Variants in COL5A3 observed in about 807,000 individuals in gnomAD.
COL5A3 encodes collagen type V alpha 3 chain, also known as collagen alpha-3(V) chain.
Under a neutral mutation model 250.0 loss-of-function variants are expected in COL5A3, and 172 were observed. The ratio of observed to expected loss-of-function variants is 0.69; its 90% CI spans 0.61 to 0.78. The LOEUF (loss-of-function observed/expected upper bound fraction) is 0.78, where lower values mean the gene tolerates loss of function less well. COL5A3 is among the 30% of genes least tolerant of loss of function. COL5A3 has a pLI of 0.00. For missense variants in COL5A3, 2,340 were observed against 2,334.4 expected (o/e 1.00, Z -0.05); for synonymous variants, 937 against 900.4 (o/e 1.04, Z -0.73).
intron 1 of COL5A3, 137 bp downstream of exon 1, chr19:10,010,161 C>T (rs13346390): frequency 0.012 from 4,998 of 430,348 alleles, 244 homozygotes; most frequent in African/African-American, 0.1. Flanking sequence ...GATACTCATG[C>T]GCCCACATCA....
At chr19:9,974,547 G>A in intron 45 of COL5A3, 139 bp from the exon 46 acceptor site, 1 of 601,300 alleles carries the variant, frequency 1.7e-6, no homozygotes, top group Non-Finnish European at 2.8e-6. Context: ...TTGAGTTGGA[G>A]TTGGGGTCTA....
chr19:9,963,567 G>C (rs1429782039), intron 64 of COL5A3, among the ~76,000 whole-genome samples: 1 of 118,310 alleles, frequency 8.5e-6, no homozygotes, highest in South Asian at 3.7e-4. Context: ...TTTTTGGGGG[G>C]GGGGGCGGGT....
Position 9,982,046 on chromosome 19 carries a change from AC to A in COL5A3, c.2460+18del. Reference sequence around the variant, plus strand: ...TCAGACAAGTTCTCCCCTCTCCCTTACCCCCGGTCATGACTCACCGACTTCC... The same window carrying A: ...TCAGACAAGTTCTCCCCTCTCCCTTACCCCGGTCATGACTCACCGACTTCC... On this transcript the variant is annotated intron_variant, in intron 32 of 66. Coordinates refer to ENST00000264828, the MANE Select transcript of COL5A3 (RefSeq NM_015719.4). 1 of 1,599,576 alleles carries A rather than the reference AC, an allele frequency of 6.3e-7. No individual in the cohort carries two copies. Among genetic ancestry groups the A allele is most frequent in the Non-Finnish European group, 8.6e-7 (1 of 1,168,592 alleles).
rs767264180 is a variant in COL5A3 at position 9,966,686 on chromosome 19, G to A, written c.4519C>T (p.Pro1507Ser). The A allele has an allele frequency of 1.9e-6, 3 of 1,538,634 alleles. No individual in the cohort carries two copies. The highest frequency in any genetic ancestry group is 2.6e-6 in the Non-Finnish European group (3 of 1,147,720). The change falls in exon 63 of 67, where the codon CCA becomes TCA. Residue 1507 changes from proline to serine, a missense_variant. By Grantham distance (74) the Pro-to-Ser change is moderately conservative. Coordinates refer to ENST00000264828, the MANE Select transcript of COL5A3 (RefSeq NM_015719.4). ...TCCTCCAGGCCGCCCTCCACGACTGGAAGCGGGACTGGGACGAAGCGCCGG... is the reference window on the plus strand; with the variant it reads ...TCCTCCAGGCCGCCCTCCACGACTGAAAGCGGGACTGGGACGAAGCGCCGG... ...RRRRFVPVPL[P>S]VVEGGLEEVL...
intron 16 of COL5A3, among the ~76,000 whole-genome samples, chr19:9,994,098 C>T (rs576675107): frequency 4.6e-5 from 7 of 152,156 alleles, no homozygotes; most frequent in East Asian, 3.9e-4. Flanking sequence ...TGAATGCAAG[C>T]GATCCACCCA....
At chr19:9,962,138 G>A (rs990900240) in intron 65 of COL5A3, among the ~76,000 whole-genome samples, 17 of 149,538 alleles carry the variant, frequency 1.1e-4, no homozygotes, top group Admixed American at 5.4e-4. Flanking sequence ...ACGGAATCTC[G>A]CTCTGTTGCC....
Position 9,996,634 on chromosome 19 carries a change from C to T in COL5A3, c.1319G>A (p.Gly440Asp), listed in dbSNP as rs1568427628. The change falls in exon 12 of 67, where the codon GGC (glycine) becomes GAC (aspartate). Residue 440 changes from glycine (G) to aspartate (D), a missense_variant. Coordinates refer to ENST00000264828, the MANE Select transcript of COL5A3 (RefSeq NM_015719.4). ...TCTTACCGGCATCATGATCACAGTG[C>T]CCGGTGGGCCTCGGATCCCATCAAT... ...PGIDGIRGPP[G>D]TVIMMPFQFA... 1 of 1,613,502 alleles carries T rather than the reference C, an allele frequency of 6.2e-7. No homozygotes were observed. Among genetic ancestry groups the T allele is most frequent in the Non-Finnish European group, 8.5e-7 (1 of 1,179,836 alleles).
chr19:9,968,019 T>C lies in COL5A3; in HGVS notation c.4368+7A>G. 4 of 1,594,186 alleles carry C rather than the reference T, an allele frequency of 2.5e-6. No homozygotes were observed. The highest frequency in any genetic ancestry group is 3.4e-6 in the Non-Finnish European group (4 of 1,174,138). Reference sequence around the variant, plus strand: ...CTCATCCCACAAAAGATTCCCTGCATACTCACCGCCACACCTGGGGGCCCA... The same window carrying C: ...CTCATCCCACAAAAGATTCCCTGCACACTCACCGCCACACCTGGGGGCCCA... On this transcript the variant is annotated splice_region_variant and intron_variant, in intron 60 of 66. Coordinates refer to ENST00000264828, the MANE Select transcript of COL5A3 (RefSeq NM_015719.4). The surrounding 1 kb of genome is among the most constrained non-coding windows in gnomAD (Gnocchi z 4.1).
chr19:9,972,858 A>C, intron 51 of COL5A3, 61 bp downstream of exon 51: 3 of 1,205,884 alleles, frequency 2.5e-6, no homozygotes, highest in Non-Finnish European at 3.4e-6. Flanking sequence ...AGTTTGGGAG[A>C]GCTTCAAGTA....
Position 9,971,038 on chromosome 19 carries a change from G to A in COL5A3, c.3829-10C>T, listed in dbSNP as rs770932661. The A allele has an allele frequency of 6.6e-7, 1 of 1,514,212 alleles. No individual in the cohort carries two copies. The highest frequency in any genetic ancestry group is 8.8e-7 in the Non-Finnish European group (1 of 1,136,126). The allele number at this position is 1,514,212 out of a possible 1,614,324, so 93.8% of individuals were successfully genotyped here. A position where few individuals can be genotyped will look rare whatever the true frequency, so the allele number is the denominator to read the frequency against. ...GGGAACCATCTATGCCCTGCATGGG[G>A]GGAAGACAGAGTTGGGAGGGGTGAT... is the stretch of plus-strand genomic sequence containing the variant. On this transcript the variant is annotated splice_polypyrimidine_tract_variant and intron_variant, in intron 52 of 66. Coordinates refer to ENST00000264828, the MANE Select transcript of COL5A3 (RefSeq NM_015719.4).
intron 15 of COL5A3, 170 bp downstream of exon 15, chr19:9,995,896 G>A (rs920787056): frequency 2.8e-5 from 20 of 705,838 alleles, no homozygotes; most frequent in Admixed American, 1.1e-4. Context: ...CTCCCACCTC[G>A]GCCTCCCAAA....
intron 51 of COL5A3, among the ~76,000 whole-genome samples, chr19:9,972,309 TCG>T (rs2086861036): frequency 2.4e-5 from 1 of 42,238 alleles, no homozygotes; most frequent in Non-Finnish European, 4.5e-5. Context: ...ATTCATTCAC[TCG>T]TTCATCCATT....
At chr19:10,001,918 G>A (rs777808458) in intron 6 of COL5A3, 37 bp from the exon 7 acceptor site, 1 of 1,490,064 alleles carries the variant, frequency 6.7e-7, no homozygotes, top group African/African-American at 1.4e-5. Context: ...GGTCTCGGGT[G>A]AGGGCAATCA....
At chr19:10,007,563 C>T (rs1267322215) in intron 1 of COL5A3, among the ~76,000 whole-genome samples, 2 of 152,218 alleles carry the variant, frequency 1.3e-5, no homozygotes, top group African/African-American at 4.8e-5. Flanking sequence ...GTCTGATTCC[C>T]CCATCCCCCA....
chr19:9,970,416 G>A (rs1568407793), intron 54 of COL5A3, among the ~76,000 whole-genome samples: 10 of 106,250 alleles, frequency 9.4e-5, no homozygotes, highest in South Asian at 3.1e-4. Context: ...GGGGTGAGTG[G>A]GGGCTGTAAG....
intron 64 of COL5A3, among the ~76,000 whole-genome samples, chr19:9,963,953 G>A (rs758193019): frequency 6.6e-6 from 1 of 152,096 alleles, no homozygotes; most frequent in Non-Finnish European, 1.5e-5. Context: ...TGGATCACTC[G>A]AGGCCATGAG....
Position 9,977,477 on chromosome 19 carries a change from T to G in COL5A3, c.3127-5A>C, listed in dbSNP as rs377322827. The G allele has an allele frequency of 3.9e-5, 59 of 1,512,738 alleles. No homozygotes were observed. The highest frequency in any genetic ancestry group is 4.9e-5 in the Non-Finnish European group (55 of 1,129,064). The allele number at this position is 1,512,738 out of a possible 1,614,324, so 93.7% of individuals were successfully genotyped here. On this transcript the variant is annotated splice_polypyrimidine_tract_variant and splice_region_variant and intron_variant, in intron 42 of 66. Coordinates refer to ENST00000264828, the MANE Select transcript of COL5A3 (RefSeq NM_015719.4). ...GCCAGGGGGGCCACGTTCTCCCTGT[T>G]GTGGGGAATGGAAAGGGGGATGTCA...
chr19:9,997,590 A>G (rs2087291405), intron 10 of COL5A3, among the ~76,000 whole-genome samples, 157 bp from the exon 11 acceptor site: 1 of 151,524 alleles, frequency 6.6e-6, no homozygotes. Flanking sequence ...ACTCACCCCC[A>G]ACGCTACTCT....
chr19:9,995,605 G>T lies in COL5A3; in HGVS notation c.1546C>A (p.Leu516Met). The T allele has an allele frequency of 6.2e-7, 1 of 1,601,806 alleles. No individual in the cohort carries two copies. The highest frequency in any genetic ancestry group is 1.3e-5 in the African/African-American group (1 of 74,368). The change falls in exon 16 of 67, where the codon CTG (leucine) becomes ATG (methionine). Residue 516 changes from leucine (L) to methionine (M), a missense_variant. This residue lies in a region of COL5A3 where 1,152 missense variants were observed against 1,146.3 expected (regional missense o/e 1.00). Transcript: ENST00000264828. ...GAEGPQGPRG[L>M]QGPHGPPGRV... ...CCAGGGGGTCCATGAGGTCCCTGCA[G>T]GCCTCGGGGACCCTAGAAGAAAGCA...
Sources: allele counts gnomAD v4.1 joint callset (sites outside exome capture counted in the v4.1 genomes callset), GRCh38; gene constraint gnomAD v4.1.1; regional missense constraint gnomAD v4.1.1; non-coding constraint Gnocchi (gnomAD v3.1); transcripts MANE v1.5; gene names NCBI Gene and HGNC (gene_info 2026-07-23, HGNC 2026-07-21).